Variants in FBN1 observed in about 807,000 individuals in gnomAD.
FBN1 encodes the protein fibrillin 1.
FBN1 carries 29 observed loss-of-function variants against 365.1 expected under a neutral mutation model. That is an observed-to-expected ratio of 0.08 (90% confidence interval 0.06 to 0.11). FBN1 has a LOEUF of 0.11. Ranked by LOEUF, FBN1 falls within the 10% of genes least tolerant of loss-of-function variation. The pLI is 1.00. For missense variants in FBN1, 2,476 were observed against 3,703.2 expected (o/e 0.67, Z 8.60); for synonymous variants, 1,210 against 1,270.5 (o/e 0.95, Z 1.01).
chr15:48,537,693 G>A lies in FBN1; in HGVS notation c.654C>T (p.Gly218=), dbSNP rs375181377. ...GGGCAGGACACATCTCACAGGGGTG[G>A]CCCCAGGCTCGGCCGACTGTGGCAC... is the stretch of plus-strand genomic sequence containing the variant. ...LCCATVGRAW[G]HPCEMCPAQP... is the part of the protein sequence containing the mutation. The change falls in exon 7 of 66, where the codon GGC becomes GGT. Residue 218 remains glycine (G), a synonymous_variant. Transcript: ENST00000316623. 3 of 1,614,086 alleles carry A rather than the reference G, an allele frequency of 1.9e-6. No individual in the cohort carries two copies. Among genetic ancestry groups the A allele is most frequent in the Non-Finnish European group, 2.5e-6 (3 of 1,180,038 alleles).
chr15:48,640,910 A>T (rs1272353536), intron 2 of FBN1: 2 of 150,960 alleles, frequency 1.3e-5, no homozygotes, highest in Non-Finnish European at 3.0e-5. Flanking sequence ...TTTTTTTTGG[A>T]CTGTCTCCCA....
chr15:48,490,513 T>TCCGA (rs1261775925), intron 24 of FBN1, among the ~76,000 whole-genome samples: 1 of 152,208 alleles, frequency 6.6e-6, no homozygotes, highest in African/African-American at 2.4e-5. Context: ...CACCTTTTCC[T>TCCGA]CCGACCCACT....
chr15:48,472,624 G>C lies in FBN1; in HGVS notation c.4263C>G (p.Leu1421=), dbSNP rs746769188. The change falls in exon 35 of 66, where the codon CTC becomes CTG. Residue 1421 remains leucine (L), a synonymous_variant. Coordinates refer to ENST00000316623, the MANE Select transcript of FBN1 (RefSeq NM_000138.5). ...NLNLCGNGQC[L]NAPGGYRCEC... ...CACAGCGGTATCCTCCTGGTGCATT[G>C]AGGCACTGGCCATTGCCACAGAGAT... 36 of 1,614,050 alleles carry C rather than the reference G, an allele frequency of 2.2e-5. No homozygotes were observed. The South Asian group carries it at 3.8e-4, about 17-fold the overall frequency.
Position 48,436,950 on chromosome 15 carries a change from T to A in FBN1, c.6496+11A>T. The A allele has an allele frequency of 6.6e-7, 1 of 1,511,476 alleles. No homozygotes were observed. The highest frequency in any genetic ancestry group is 9.2e-7 in the Non-Finnish European group (1 of 1,086,362). 93.6% of individuals were successfully genotyped at this position (1,511,476 alleles called of 1,614,324 possible). A position where few individuals can be genotyped will look rare whatever the true frequency, so the allele number is the denominator to read the frequency against. ...TTGTAAAGTTCCTATGGAAGAAAACTTATTACTCACCTACACATTCATTCC... is the reference window on the plus strand; with the variant it reads ...TTGTAAAGTTCCTATGGAAGAAAACATATTACTCACCTACACATTCATTCC... On this transcript the variant is annotated intron_variant, in intron 53 of 65. Transcript: ENST00000316623.
chr15:48,410,906 TATG>T lies in FBN1; in HGVS notation c.*81_*83del. On this transcript the variant is annotated 3_prime_UTR_variant, in exon 66 of 66. Transcript: ENST00000316623. ...ACTTGGTGAAAGATTGTACCTATGA[TATG>T]ATGATTCTGATTGGGGGAAAATATA... 7.9e-7 allele frequency: 1 copy of T among 1,259,586 alleles called. No individual in the cohort carries two copies. The highest frequency in any genetic ancestry group is 2.4e-5 in the East Asian group (1 of 41,240). 78.0% of individuals were successfully genotyped at this position (1,259,586 alleles called of 1,614,324 possible).
chr15:48,422,088 A>G lies in FBN1; in HGVS notation c.7454-20T>C. 1 of 1,535,638 alleles carries G rather than the reference A, an allele frequency of 6.5e-7. No individual in the cohort carries two copies. Among genetic ancestry groups the G allele is most frequent in the Non-Finnish European group, 9.0e-7 (1 of 1,108,520 alleles). On this transcript the variant is annotated intron_variant, in intron 60 of 65. Transcript: ENST00000316623. The stretch of plus-strand genomic sequence containing the variant: ...CAAGATCTACAAGAAAATGCAAGAG[A>G]GGCATTTGAGTCAAGCCAACAAAAC...
chr15:48,451,912 A>G (rs908789824), intron 45 of FBN1, among the ~76,000 whole-genome samples: 3 of 152,228 alleles, frequency 2.0e-5, no homozygotes, highest in Non-Finnish European at 4.4e-5. Flanking sequence ...TAACATGCCA[A>G]CGTGCTTCCT....
chr15:48,525,270 A>T (rs765748002), intron 9 of FBN1, among the ~76,000 whole-genome samples: 1 of 152,106 alleles, frequency 6.6e-6, no homozygotes, highest in Non-Finnish European at 1.5e-5. Context: ...TATTTTTAGT[A>T]GAGACAGGGT....
At chr15:48,425,566 C>T (rs746366119) in intron 59 of FBN1, 75 bp from the exon 60 acceptor site, 30 of 1,601,304 alleles carry the variant, frequency 1.9e-5, no homozygotes, top group Middle Eastern at 1.7e-4. Flanking sequence ...CAGGGTCTAA[C>T]GAAGAATTTT....
chr15:48,520,711 G>A lies in FBN1; in HGVS notation c.1095C>T (p.Cys365=). Residue 365 remains cysteine, a synonymous_variant, in exon 10 of 66, where the codon TGC becomes TGT. Coordinates refer to ENST00000316623, the MANE Select transcript of FBN1 (RefSeq NM_000138.5). Reference sequence around the variant, plus strand: ...GGGCGACAGTGACCCCTGGAGACCAGCATCGGCCGGCATCACAGCAGCACT... The same window carrying A: ...GGGCGACAGTGACCCCTGGAGACCAACATCGGCCGGCATCACAGCAGCACT... ...KMQCCCDAGR[C]WSPGVTVAPE... The A allele has an allele frequency of 6.2e-7, 1 of 1,614,180 alleles. No individual in the cohort carries two copies. The highest frequency in any genetic ancestry group is 1.1e-5 in the South Asian group (1 of 91,090).
chr15:48,488,603 C>T (rs1258628887), intron 25 of FBN1, 110 bp from the exon 26 acceptor site: 19 of 1,259,226 alleles, frequency 1.5e-5, no homozygotes, highest in Non-Finnish European at 2.0e-5. Flanking sequence ...GATTTAAGGT[C>T]TTGGCAGTAT....
intron 6 of FBN1, among the ~76,000 whole-genome samples, chr15:48,586,513 C>T (rs1334106389): frequency 6.6e-6 from 1 of 152,138 alleles, no homozygotes; most frequent in Non-Finnish European, 1.5e-5. Flanking sequence ...TGATAAGAAC[C>T]AGAACCAGGA....
rs149012823 is a variant in FBN1, at chr15:48,434,174, G to A, written c.6616+420C>T. The stretch of plus-strand genomic sequence containing the variant: ...CTTTTGCTGTGATTGCCTCCAAATG[G>A]CTACAGGATGATGGTGGGTATCTTA... On this transcript the variant is annotated intron_variant, in intron 54 of 65. Transcript: ENST00000316623. Among the ~76,000 whole-genome samples the A allele has an allele frequency of 4.2e-3, 642 of 152,194 alleles. 5 individuals carry two copies. Among genetic ancestry groups the A allele is most frequent in the Non-Finnish European group, 6.8e-3 (463 of 68,014 alleles).
chr15:48,488,022 C>T, intron 27 of FBN1, 91 bp downstream of exon 27: 1 of 1,537,024 alleles, frequency 6.5e-7, no homozygotes, highest in Non-Finnish European at 9.0e-7. Flanking sequence ...TGCACTGGGG[C>T]AGCAGGAAGA....
intron 40 of FBN1, 75 bp downstream of exon 40, chr15:48,465,493 T>C: frequency 1.9e-6 from 3 of 1,546,112 alleles, no homozygotes. Context: ...TCTATTTTCC[T>C]AGTAACCATA....
At chr15:48,470,446 A>T (rs1435723397) in intron 36 of FBN1, among the ~76,000 whole-genome samples, 188 bp downstream of exon 36, 1 of 152,218 alleles carries the variant, frequency 6.6e-6, no homozygotes, top group African/African-American at 2.4e-5. Context: ...CAATTGTCTT[A>T]GACTCTTTCC....
At chr15:48,556,342 T>C (rs1050074933) in intron 6 of FBN1, among the ~76,000 whole-genome samples, 5 of 152,308 alleles carry the variant, frequency 3.3e-5, no homozygotes, top group Admixed American at 6.5e-5. Context: ...GCTTCAACCA[T>C]GGCAGATTCG....
intron 6 of FBN1, among the ~76,000 whole-genome samples, chr15:48,589,886 G>C (rs28447321): frequency 0.12 from 18,355 of 152,144 alleles, 3,811 homozygotes; most frequent in African/African-American, 0.42. Flanking sequence ...AAAGTGCTGG[G>C]ATTACAGGCG....
chr15:48,523,591 C>T (rs2043879287), intron 9 of FBN1, among the ~76,000 whole-genome samples: 3 of 151,664 alleles, frequency 2.0e-5, no homozygotes, highest in African/African-American at 7.3e-5. Flanking sequence ...AACCTACAGG[C>T]TAATAAGTAA....
Sources: gnomAD v4.1 joint callset for allele counts (sites outside exome capture counted in the v4.1 genomes callset) on GRCh38, gnomAD v4.1.1 for gene constraint, MANE v1.5 for transcripts, NCBI Gene and HGNC (gene_info 2026-07-23, HGNC 2026-07-21) for gene names.